Variants in CDH11 observed in about 807,000 individuals in gnomAD.
CDH11 encodes cadherin 11.
A neutral mutation model predicts 67.8 loss-of-function variants in CDH11; 11 were observed. The observed-to-expected ratio is 0.16, with a 90% CI of 0.10 to 0.27. The LOEUF (loss-of-function observed/expected upper bound fraction) is 0.27. Among genes scored for constraint, CDH11 ranks in the 10% least tolerant of loss-of-function variants. The pLI is 1.00. For missense variants in CDH11, 847 were observed against 1,031.2 expected, an observed-to-expected ratio of 0.82 and a Z score of 2.45; for synonymous variants, 419 against 400.0, an observed-to-expected ratio of 1.05 and a Z score of -0.57.
At chr16:65,071,164 C>G (rs1012215246) in intron 1 of CDH11, among the ~76,000 whole-genome samples, 5 of 152,092 alleles carry the variant, frequency 3.3e-5, no homozygotes, top group African/African-American at 1.2e-4. Context: ...AACCTATGCT[C>G]AAGAGAAAGT....
chr16:65,095,148 C>T (rs994210591), intron 1 of CDH11, among the ~76,000 whole-genome samples: 1 of 152,078 alleles, frequency 6.6e-6, no homozygotes, highest in African/African-American at 2.4e-5. Flanking sequence ...GGGTCCAGGT[C>T]TGCCTCACTC....
chr16:65,093,331 C>T (rs535471498), intron 1 of CDH11, among the ~76,000 whole-genome samples: 3 of 151,316 alleles, frequency 2.0e-5, no homozygotes, highest in Non-Finnish European at 2.9e-5. Flanking sequence ...GCACAGTGAC[C>T]GACTCCTAGG....
intron 1 of CDH11, among the ~76,000 whole-genome samples, chr16:65,115,346 C>T (rs1311706689): frequency 1.3e-5 from 2 of 152,102 alleles, no homozygotes; most frequent in Non-Finnish European, 2.9e-5. Context: ...CACTAATAAA[C>T]AATTCATTGC....
At position 64,960,763 on chromosome 16, in the gene CDH11, T is replaced by C. The variant is rs566192768; in HGVS notation, c.1643-9745A>G. Reference sequence around the variant, plus strand: ...AGTGTACAAGGAGTAAAGCATGGAATGTCTTGCTCACTAAGCTATGGAGTT... The same window carrying C: ...AGTGTACAAGGAGTAAAGCATGGAACGTCTTGCTCACTAAGCTATGGAGTT... On this transcript the variant is annotated intron_variant, in intron 11 of 12. Transcript: ENST00000268603. Among the ~76,000 whole-genome samples the C allele has an allele frequency of 8.5e-5, 13 of 152,224 alleles. No individual in the cohort carries two copies. In the South Asian group the frequency reaches 2.7e-3, roughly 32 times the overall value.
rs1226013217 is a variant in CDH11 at position 64,985,172 on chromosome 16, T to C, written c.1000-2871A>G. On this transcript the variant is annotated intron_variant, in intron 7 of 12. Coordinates refer to ENST00000268603, the MANE Select transcript of CDH11 (RefSeq NM_001797.4). ...TCTTCCTCAGCTAACCACACAGAGA[T>C]TGTCCAAATACCCCAAGGGTAGTTT... 6 of 152,150 alleles carry C rather than the reference T, an allele frequency of 3.9e-5. No individual in the cohort carries two copies. The East Asian group carries it at 5.8e-4, about 15-fold the overall frequency. The allele number at this position is 152,150 out of a possible 1,614,324, so 9.4% of individuals were successfully genotyped here.
At chr16:65,000,678 T>G (rs1326271719) in intron 3 of CDH11, among the ~76,000 whole-genome samples, 1 of 151,900 alleles carries the variant, frequency 6.6e-6, no homozygotes, top group African/African-American at 2.4e-5. Flanking sequence ...GCATGATAGC[T>G]TGCACCTGTA....
At chr16:64,991,248 C>T (rs777368948) in intron 6 of CDH11, 1 of 152,504 alleles carries the variant, frequency 6.6e-6, no homozygotes, top group Non-Finnish European at 1.5e-5. Context: ...ATCCTCCAAC[C>T]CCAGTGGAGC....
intron 1 of CDH11, among the ~76,000 whole-genome samples, chr16:65,081,295 G>A (rs987079770): frequency 2.6e-5 from 4 of 152,246 alleles, no homozygotes; most frequent in East Asian, 1.9e-4. Context: ...AGGGCTGGGC[G>A]CTGGGGCTCA....
At chr16:65,085,163 G>A (rs952880257) in intron 1 of CDH11, among the ~76,000 whole-genome samples, 4 of 152,058 alleles carry the variant, frequency 2.6e-5, no homozygotes, top group Admixed American at 6.6e-5. Context: ...CATCCGCCTC[G>A]GCCTCCCAAA....
chr16:65,037,566 G>A (rs2073776764), intron 2 of CDH11, among the ~76,000 whole-genome samples: 2 of 152,080 alleles, frequency 1.3e-5, no homozygotes, highest in South Asian at 4.1e-4. Flanking sequence ...AATCCTTCTG[G>A]TGTAGACACT....
At chr16:65,045,833 G>T (rs774191566) in intron 2 of CDH11, among the ~76,000 whole-genome samples, 6 of 152,014 alleles carry the variant, frequency 3.9e-5, no homozygotes, top group Non-Finnish European at 8.8e-5. Context: ...TGTCTTATTT[G>T]TCTGTCACCC....
chr16:65,037,599 C>T (rs767783680), intron 2 of CDH11, among the ~76,000 whole-genome samples: 6 of 152,044 alleles, frequency 3.9e-5, no homozygotes, highest in Non-Finnish European at 8.8e-5. Context: ...ATTGTAATAA[C>T]CACCCTCCTC....
intron 2 of CDH11, among the ~76,000 whole-genome samples, chr16:65,006,085 A>G (rs2073046987): frequency 6.6e-6 from 1 of 152,078 alleles, no homozygotes; most frequent in Non-Finnish European, 1.5e-5. Flanking sequence ...ATTCTTCTCT[A>G]AGGAATTCCC....
chr16:65,047,635 C>T (rs2073985962), intron 2 of CDH11, among the ~76,000 whole-genome samples: 1 of 152,152 alleles, frequency 6.6e-6, no homozygotes, highest in African/African-American at 2.4e-5. Context: ...CAGGCATGAG[C>T]CACCATGCCA....
At chr16:65,018,686 T>C (rs896407082) in intron 2 of CDH11, among the ~76,000 whole-genome samples, 1 of 152,230 alleles carries the variant, frequency 6.6e-6, no homozygotes, top group African/African-American at 2.4e-5. Flanking sequence ...CAGCCTTTTA[T>C]TAGTTCAGTC....
intron 1 of CDH11, among the ~76,000 whole-genome samples, chr16:65,073,139 T>C (rs1415445114): frequency 6.6e-6 from 1 of 152,198 alleles, no homozygotes; most frequent in Non-Finnish European, 1.5e-5. Context: ...TGGAAACAAC[T>C]CAATGTAATT....
chr16:64,987,994 C>T, intron 7 of CDH11, 163 bp downstream of exon 7: 1 of 544,950 alleles, frequency 1.8e-6, no homozygotes, highest in Non-Finnish European at 3.2e-6. Flanking sequence ...GAAAGGAATA[C>T]AATTCTGTGA....
At chr16:65,089,398 G>T (rs957528396) in intron 1 of CDH11, among the ~76,000 whole-genome samples, 4 of 152,084 alleles carry the variant, frequency 2.6e-5, no homozygotes, top group African/African-American at 9.7e-5. Flanking sequence ...TTGAATAATA[G>T]AAAACGATTT....
chr16:64,944,046 C>T lies in CDH11; in HGVS notation c.*3557G>A, dbSNP rs1293530076. On this transcript the variant is annotated 3_prime_UTR_variant, in exon 13 of 13. Transcript: ENST00000268603. Reference sequence around the variant, plus strand: ...AAGATGGCCAGTGTGGCTGGAGCATCGTGCACTGAAAGGAGGATGGAGTGG... The same window carrying T: ...AAGATGGCCAGTGTGGCTGGAGCATTGTGCACTGAAAGGAGGATGGAGTGG... 1.7e-5 allele frequency: 4 copies of T among 232,244 alleles called. No homozygotes were observed. Among genetic ancestry groups the T allele is most frequent in the Non-Finnish European group, 3.4e-5 (4 of 117,590 alleles). 14.4% of individuals were successfully genotyped at this position (232,244 alleles called of 1,614,324 possible).
Sources: gnomAD v4.1 joint callset for allele counts (sites outside exome capture counted in the v4.1 genomes callset) on GRCh38, gnomAD v4.1.1 for gene constraint, MANE v1.5 for transcripts, NCBI Gene and HGNC (gene_info 2026-07-23, HGNC 2026-07-21) for gene names.